The following RIMS2 variants were observed in gnomAD, a reference collection of about 807,000 sequenced individuals.
RIMS2 encodes the protein regulating synaptic membrane exocytosis 2.
Under a neutral mutation model 174.4 loss-of-function variants are expected in RIMS2, and 59 were observed. The ratio of observed to expected loss-of-function variants is 0.34; its 90% CI spans 0.27 to 0.42. The LOEUF (loss-of-function observed/expected upper bound fraction) is 0.42, where lower values mean the gene tolerates loss of function less well. Ranked by LOEUF, RIMS2 falls within the 10% of genes least tolerant of loss-of-function variation. RIMS2 has a pLI of 1.00. For missense variants in RIMS2, 1,620 were observed against 1,666.3 expected (o/e 0.97, Z 0.48); for synonymous variants, 606 against 572.5 (o/e 1.06, Z -0.84).
chr8:103,823,359 C>T (rs751721071), intron 3 of RIMS2, among the ~76,000 whole-genome samples: 3 of 151,596 alleles, frequency 2.0e-5, no homozygotes, highest in Non-Finnish European at 3.0e-5. Context: ...GATAACCATA[C>T]GATCCACTTT....
chr8:103,936,990 C>CGG (rs950194319), intron 13 of RIMS2, among the ~76,000 whole-genome samples: 6 of 151,730 alleles, frequency 4.0e-5, no homozygotes, highest in Admixed American at 3.9e-4. Context: ...CCCAGCTACT[C>CGG]GGGAGGCTGA....
intron 3 of RIMS2, among the ~76,000 whole-genome samples, chr8:103,882,298 A>G (rs553686881): frequency 6.6e-6 from 1 of 151,682 alleles, no homozygotes; most frequent in African/African-American, 2.4e-5. Context: ...GGAATATACT[A>G]TCTATGAAAT....
intron 3 of RIMS2, among the ~76,000 whole-genome samples, chr8:103,783,279 T>A (rs1371709653): frequency 6.6e-6 from 1 of 151,638 alleles, no homozygotes; most frequent in African/African-American, 2.4e-5. Context: ...TTTTTTTTTT[T>A]TTTATTATAC....
intron 4 of RIMS2, among the ~76,000 whole-genome samples, chr8:103,892,128 A>G (rs1271064596): frequency 6.6e-6 from 1 of 152,066 alleles, no homozygotes; most frequent in African/African-American, 2.4e-5. Flanking sequence ...AAGGAATTCT[A>G]AACCAATTGG....
intron 1 of RIMS2, among the ~76,000 whole-genome samples, chr8:103,594,083 A>G (rs1316883435): frequency 2.0e-5 from 3 of 151,636 alleles, no homozygotes; most frequent in Non-Finnish European, 4.4e-5. Flanking sequence ...TAATACTTAC[A>G]GCACTTTCAC....
chr8:103,522,886 G>C (rs932907649), intron 1 of RIMS2, among the ~76,000 whole-genome samples: 32 of 152,140 alleles, frequency 2.1e-4, no homozygotes, highest in Admixed American at 1.8e-3. Flanking sequence ...CACAGTGCCT[G>C]ACACATAGTA....
chr8:103,886,110 G>A (rs2099199231), exon 4 of RIMS2: 5 of 1,612,898 alleles, frequency 3.1e-6, no homozygotes, highest in Non-Finnish European at 4.2e-6. Flanking sequence ...TCAAAGAAAG[G>A]CGGTAAAATG....
chr8:103,980,385 C>T (rs1177306872), intron 16 of RIMS2, among the ~76,000 whole-genome samples: 1 of 152,164 alleles, frequency 6.6e-6, no homozygotes, highest in Non-Finnish European at 1.5e-5. Flanking sequence ...GATTAATCAC[C>T]TGCTGAATAA....
At chr8:103,877,197 A>T (rs993649138) in intron 3 of RIMS2, among the ~76,000 whole-genome samples, 1 of 151,546 alleles carries the variant, frequency 6.6e-6, no homozygotes, top group Non-Finnish European at 1.5e-5. Flanking sequence ...CACTGCATCT[A>T]CACCAACATT....
chr8:103,629,505 A>G (rs1029017096), intron 1 of RIMS2, among the ~76,000 whole-genome samples: 1 of 152,244 alleles, frequency 6.6e-6, no homozygotes, highest in Non-Finnish European at 1.5e-5. Flanking sequence ...AAATAAGCTA[A>G]GAAATGTATA....
chr8:103,984,807 A>G (rs75481112), intron 16 of RIMS2, among the ~76,000 whole-genome samples: 1,630 of 152,350 alleles, frequency 0.011, 39 homozygotes, highest in African/African-American at 0.037. Flanking sequence ...CTACATGTCC[A>G]TAATGGATAC....
At chr8:103,948,659 G>T (rs1251865965) in intron 14 of RIMS2, among the ~76,000 whole-genome samples, 3 of 152,080 alleles carry the variant, frequency 2.0e-5, no homozygotes. Flanking sequence ...GTTAGCAGTT[G>T]GCTGGAAGTA....
At chr8:103,940,644 G>C (rs774583080) in intron 13 of RIMS2, among the ~76,000 whole-genome samples, 3 of 152,100 alleles carry the variant, frequency 2.0e-5, no homozygotes, top group African/African-American at 4.8e-5. Context: ...GGGAGGCCGA[G>C]GGGGGCAGAT....
rs150489630 is a variant in RIMS2 at position 103,992,854 on chromosome 8, C to T, written c.3044+3433C>T. On this transcript the variant is annotated intron_variant, in intron 17 of 23. Coordinates refer to ENST00000504942, the Ensembl canonical transcript of RIMS2. ...CTTTCATCTCCTACTTCCATTCCACCGCTTTTTATACCATTGTTTTTCTGA... is the reference window on the plus strand; with the variant it reads ...CTTTCATCTCCTACTTCCATTCCACTGCTTTTTATACCATTGTTTTTCTGA... 3.5e-3 allele frequency among the ~76,000 whole-genome samples: 540 copies of T among 152,252 alleles called. 2 individuals carry two copies. The highest frequency in any genetic ancestry group is 0.012 in the African/African-American group (493 of 41,560).
intron 1 of RIMS2, among the ~76,000 whole-genome samples, chr8:103,589,615 A>G (rs1116648): frequency 0.78 from 118,031 of 151,284 alleles, 46,361 homozygotes; most frequent in East Asian, 0.88. Context: ...ATATTGAAGA[A>G]GTATCTGAAC....
intron 19 of RIMS2, among the ~76,000 whole-genome samples, chr8:104,096,324 A>G (rs2097761960): frequency 6.6e-6 from 1 of 152,216 alleles, no homozygotes; most frequent in South Asian, 2.1e-4. Flanking sequence ...AGATTCAGAG[A>G]AGACTATAAC....
intron 19 of RIMS2, chr8:104,223,725 T>G: frequency 6.3e-7 from 1 of 1,592,646 alleles, no homozygotes; most frequent in Non-Finnish European, 8.5e-7. Flanking sequence ...CGGAGTAGCC[T>G]GTCTGCCTCC....
intron 1 of RIMS2, among the ~76,000 whole-genome samples, chr8:103,684,493 C>A (rs1428179151): frequency 6.6e-6 from 1 of 151,942 alleles, no homozygotes; most frequent in African/African-American, 2.4e-5. Flanking sequence ...CACAGCTACA[C>A]TCATTCATTT....
chr8:103,871,134 C>G (rs371533607), intron 3 of RIMS2, among the ~76,000 whole-genome samples: 20 of 152,280 alleles, frequency 1.3e-4, no homozygotes, highest in African/African-American at 4.8e-4. Context: ...AAGGGCCAGG[C>G]GCAGTGGCTC....
Sources: allele counts gnomAD v4.1 joint callset (sites outside exome capture counted in the v4.1 genomes callset), GRCh38; gene constraint gnomAD v4.1.1; transcripts MANE v1.5; gene names NCBI Gene and HGNC (gene_info 2026-07-23, HGNC 2026-07-21).